The following GRM7 variants were observed in gnomAD, a reference collection of about 807,000 sequenced individuals.
GRM7 encodes metabotropic glutamate receptor 7.
Under a neutral mutation model 84.5 loss-of-function variants are expected in GRM7, and 35 were observed. That is an observed-to-expected ratio of 0.41 (90% confidence interval 0.32 to 0.55). The LOEUF (loss-of-function observed/expected upper bound fraction) is 0.55. Among genes scored for constraint, GRM7 ranks in the 20% least tolerant of loss-of-function variants. The pLI is 0.19. For synonymous variants in GRM7, 487 were observed against 455.1 expected (o/e 1.07, Z -0.89); for missense variants, 1,003 against 1,194.6 (o/e 0.84, Z 2.36).
intron 1 of GRM7, among the ~76,000 whole-genome samples, chr3:6,876,160 C>T (rs751634862): frequency 3.3e-5 from 5 of 151,810 alleles, no homozygotes; most frequent in Non-Finnish European, 5.9e-5. Context: ...CCCAGTTACT[C>T]GGGAGGCTGA....
intron 7 of GRM7, among the ~76,000 whole-genome samples, chr3:7,504,170 A>G (rs1350810174): frequency 6.6e-6 from 1 of 152,190 alleles, no homozygotes; most frequent in African/African-American, 2.4e-5. Flanking sequence ...TTGGAGTAGG[A>G]TTACCTCATA....
chr3:7,449,191 G>A (rs569306952), intron 5 of GRM7, among the ~76,000 whole-genome samples: 1 of 152,022 alleles, frequency 6.6e-6, no homozygotes, highest in Admixed American at 6.6e-5. Context: ...ATATATAGAT[G>A]AAATACCAGT....
At chr3:7,694,627 GA>G (rs1700947694) in intron 9 of GRM7, among the ~76,000 whole-genome samples, 1 of 152,102 alleles carries the variant, frequency 6.6e-6, no homozygotes, top group South Asian at 2.1e-4. Context: ...AGCTATCTGG[GA>G]AATCACATTT....
In GRM7 at chr3:7,553,932, G is replaced by A. The variant is rs78899786; in HGVS notation, c.1516-24490G>A. Among the ~76,000 whole-genome samples, 873 of 152,264 alleles carry A rather than the reference G, an allele frequency of 5.7e-3. 25 individuals are homozygous for A. In the East Asian group the frequency reaches 0.064, roughly 11 times the overall value. The stretch of plus-strand genomic sequence containing the variant: ...AGCTGTGATAGCAGGAAGGGACATG[G>A]ACATATTATAAATGTAGATTAAGTT... On this transcript the variant is annotated intron_variant, in intron 7 of 9. Transcript: ENST00000357716.
At chr3:6,912,240 A>G (rs1696795567) in intron 1 of GRM7, among the ~76,000 whole-genome samples, 2 of 152,182 alleles carry the variant, frequency 1.3e-5, no homozygotes, top group Non-Finnish European at 2.9e-5. Flanking sequence ...ATAAAATTAA[A>G]TATGTTTCTT....
rs1221073583 is a variant in GRM7, at chr3:7,741,457, T to C, written c.*1051T>C. 2 of 152,602 alleles carry C rather than the reference T, an allele frequency of 1.3e-5. No homozygotes were observed. Among genetic ancestry groups the C allele is most frequent in the Non-Finnish European group, 2.9e-5 (2 of 68,026 alleles). 9.5% of individuals were successfully genotyped at this position (152,602 alleles called of 1,614,324 possible). A position where few individuals can be genotyped will look rare whatever the true frequency, so the allele number is the denominator to read the frequency against. On this transcript the variant is annotated 3_prime_UTR_variant, in exon 10 of 10. Coordinates refer to ENST00000357716, the MANE Select transcript of GRM7 (RefSeq NM_000844.4). ...AAAAAAACAACCCTTGCTGAAAAATTCCCTCTTTCCATTCTCTTTCAATTC... is the reference window on the plus strand; with the variant it reads ...AAAAAAACAACCCTTGCTGAAAAATCCCCTCTTTCCATTCTCTTTCAATTC...
chr3:7,087,474 G>A (rs965904570), intron 1 of GRM7, among the ~76,000 whole-genome samples: 1 of 151,566 alleles, frequency 6.6e-6, no homozygotes, highest in Non-Finnish European at 1.5e-5. Context: ...GAAAAGACAA[G>A]TTTATTTGCA....
chr3:7,233,935 C>G (rs181246150), intron 2 of GRM7, among the ~76,000 whole-genome samples: 1 of 152,034 alleles, frequency 6.6e-6, no homozygotes, highest in Admixed American at 6.6e-5. Flanking sequence ...TAATGAGTAA[C>G]TTATTATATC....
At chr3:7,219,287 A>G (rs2124870038) in intron 2 of GRM7, among the ~76,000 whole-genome samples, 1 of 152,244 alleles carries the variant, frequency 6.6e-6, no homozygotes, top group East Asian at 1.9e-4. Flanking sequence ...TCATTTACTG[A>G]ACGCTACACC....
intron 7 of GRM7, among the ~76,000 whole-genome samples, chr3:7,555,731 T>G (rs1693724261): frequency 6.6e-6 from 1 of 152,142 alleles, no homozygotes; most frequent in African/African-American, 2.4e-5. Context: ...CATAAAACAT[T>G]ACTCATAACA....
intron 1 of GRM7, among the ~76,000 whole-genome samples, chr3:7,062,411 G>T (rs1034249441): frequency 5.9e-5 from 9 of 151,604 alleles, no homozygotes; most frequent in African/African-American, 2.2e-4. Context: ...AAAAGGGGGA[G>T]TTTCATTCCA....
chr3:7,133,398 C>A (rs1241157592), intron 1 of GRM7, among the ~76,000 whole-genome samples: 7 of 152,126 alleles, frequency 4.6e-5, no homozygotes, highest in Non-Finnish European at 7.4e-5. Context: ...GCTGGGAGAA[C>A]TATTTGGTTT....
chr3:7,219,512 G>A (rs1262726360), intron 2 of GRM7, among the ~76,000 whole-genome samples: 1 of 152,200 alleles, frequency 6.6e-6, no homozygotes, highest in African/African-American at 2.4e-5. Flanking sequence ...TGCCTTCACT[G>A]TTGGAGTGGG....
chr3:7,250,675 C>G (rs1361071562), intron 2 of GRM7, among the ~76,000 whole-genome samples: 7 of 152,042 alleles, frequency 4.6e-5, no homozygotes, highest in Non-Finnish European at 8.8e-5. Flanking sequence ...AGGTGCCCAC[C>G]ACCACATCTA....
chr3:7,529,109 A>G (rs1402977039), intron 7 of GRM7, among the ~76,000 whole-genome samples: 1 of 152,038 alleles, frequency 6.6e-6, no homozygotes, highest in Non-Finnish European at 1.5e-5. Flanking sequence ...TGGGGTGTTG[A>G]AGTCTGGAAA....
intron 1 of GRM7, among the ~76,000 whole-genome samples, chr3:6,967,525 G>T (rs903837217): frequency 6.6e-6 from 1 of 152,158 alleles, no homozygotes; most frequent in African/African-American, 2.4e-5. Context: ...AATCGGCTCT[G>T]TTGTTTCACA....
intron 1 of GRM7, among the ~76,000 whole-genome samples, chr3:6,951,149 A>G (rs1692741679): frequency 1.3e-5 from 2 of 152,236 alleles, no homozygotes; most frequent in African/African-American, 4.8e-5. Flanking sequence ...TGGAAGCTGT[A>G]GACTGGAGCT....
At chr3:6,895,716 A>G (rs915365187) in intron 1 of GRM7, among the ~76,000 whole-genome samples, 1 of 152,166 alleles carries the variant, frequency 6.6e-6, no homozygotes. Flanking sequence ...TAGGTTAAGC[A>G]AAGTGGGAAA....
chr3:7,418,234 A>G (rs570069414), intron 5 of GRM7, among the ~76,000 whole-genome samples: 1 of 152,308 alleles, frequency 6.6e-6, no homozygotes, highest in African/African-American at 2.4e-5. Context: ...TCTGAGAGCT[A>G]GACATTCTTC....
Sources: allele counts gnomAD v4.1 joint callset (sites outside exome capture counted in the v4.1 genomes callset), GRCh38; gene constraint gnomAD v4.1.1; transcripts MANE v1.5; gene names NCBI Gene and HGNC (gene_info 2026-07-23, HGNC 2026-07-21).